CELF2: variants seen among roughly 807,000 people sequenced by gnomAD.
CELF2 encodes CUG triplet repeat RNA-binding protein 2.
In CELF2, 8 loss-of-function variants were observed where a neutral mutation model predicts 62.6. The ratio of observed to expected loss-of-function variants is 0.13; its 90% CI spans 0.07 to 0.23. CELF2 has a LOEUF of 0.23. CELF2 is among the 10% of genes least tolerant of loss of function. The probability of loss-of-function intolerance (pLI) is 1.00; values close to 1 mark genes in which losing one functional copy is unlikely to be tolerated. For synonymous variants in CELF2, 258 were observed against 250.0 expected (o/e 1.03, Z -0.30); for missense variants, 333 against 671.0 (o/e 0.50, Z 5.56).
chr10:10,890,826 C>T (rs2062085003), intron 1 of CELF2, among the ~76,000 whole-genome samples: 2 of 152,184 alleles, frequency 1.3e-5, no homozygotes, highest in Non-Finnish European at 2.9e-5. Flanking sequence ...ACCAGCCTGA[C>T]CAACATGGTA....
chr10:10,837,991 A>G (rs1160179542), intron 1 of CELF2, among the ~76,000 whole-genome samples: 2 of 152,218 alleles, frequency 1.3e-5, no homozygotes, highest in Non-Finnish European at 2.9e-5. Context: ...CAAAGCCTGT[A>G]CAGTATTCTG....
the CELF2 span, among the ~76,000 whole-genome samples, chr10:10,759,101 T>C: frequency 6.6e-6 from 1 of 152,162 alleles, no homozygotes; most frequent in African/African-American, 2.4e-5. Flanking sequence ...GTAACACGGT[T>C]TGCCATCCAT....
Position 11,165,747 on chromosome 10 carries a change from C to G in CELF2, c.271+65C>G, listed in dbSNP as rs1014451036. 3 of 1,441,654 alleles carry G rather than the reference C, an allele frequency of 2.1e-6. No individual in the cohort carries two copies. The highest frequency in any genetic ancestry group is 2.1e-5 in the Admixed American group (1 of 47,154). 89.3% of individuals were successfully genotyped at this position (1,441,654 alleles called of 1,614,324 possible). A position where few individuals can be genotyped will look rare whatever the true frequency, so the allele number is the denominator to read the frequency against. On this transcript the variant is annotated intron_variant, in intron 2 of 12. Transcript: ENST00000633077. This position sits in a 1 kb window ranked among gnomAD's most constrained non-coding sequence, Gnocchi z 7.4. ...GGCGTCGCGGGGCACTGGGGCTGTC[C>G]GAGCCCCCAGCCTGCAGGAGGAAGG...
At chr10:11,252,987 A>T (rs193280428) in intron 4 of CELF2, among the ~76,000 whole-genome samples, 1 of 152,082 alleles carries the variant, frequency 6.6e-6, no homozygotes, top group Admixed American at 6.6e-5. Flanking sequence ...TTCATCCTCT[A>T]TGCCATCCAG....
At chr10:10,536,510 A>G in the CELF2 span, among the ~76,000 whole-genome samples, 1 of 152,212 alleles carries the variant, frequency 6.6e-6, no homozygotes, top group Admixed American at 6.5e-5. Context: ...GAATTGAACG[A>G]ATCTCAAGAC....
chr10:10,701,312 A>T, the CELF2 span, among the ~76,000 whole-genome samples: 1 of 152,230 alleles, frequency 6.6e-6, no homozygotes, highest in Non-Finnish European at 1.5e-5. Flanking sequence ...AGGAACTAGG[A>T]CAAGTATGAG....
At position 10,956,873 on chromosome 10, in the gene CELF2, G is replaced by A. The variant is rs546846843; in HGVS notation, c.89+36874G>A. Among the ~76,000 whole-genome samples the A allele has an allele frequency of 1.1e-3, 174 of 152,000 alleles. 1 individual carries two copies. Among genetic ancestry groups the A allele is most frequent in the African/African-American group, 4.0e-3 (167 of 41,452 alleles). On this transcript the variant is annotated intron_variant, in intron 2 of 13. Transcript: ENST00000636488. ...CACTTGAGCCCAGGGAGTCAAGTCT[G>A]CAGTGAGCTATGATTGCACCACAGC...
intron 5 of CELF2, among the ~76,000 whole-genome samples, chr10:11,259,209 T>C (rs945682538): frequency 6.6e-6 from 1 of 152,240 alleles, no homozygotes; most frequent in African/African-American, 2.4e-5. Context: ...CTCACTAGTT[T>C]GACCTGACTT....
chr10:10,547,861 A>C, the CELF2 span, among the ~76,000 whole-genome samples: 2 of 152,154 alleles, frequency 1.3e-5, no homozygotes, highest in Non-Finnish European at 2.9e-5. Flanking sequence ...TGTATCAAAC[A>C]TCCATCATCC....
chr10:10,785,371 G>T, the CELF2 span, among the ~76,000 whole-genome samples: 1 of 152,096 alleles, frequency 6.6e-6, no homozygotes, highest in East Asian at 1.9e-4. Context: ...CACACTACTG[G>T]CTATATATCC....
At chr10:10,876,334 A>G (rs1275311028) in intron 1 of CELF2, among the ~76,000 whole-genome samples, 4 of 152,202 alleles carry the variant, frequency 2.6e-5, no homozygotes, top group Admixed American at 1.3e-4. Flanking sequence ...GTGAGGTAGC[A>G]TTCAACCCTC....
chr10:11,144,980 T>G (rs1362829668), intron 1 of CELF2, among the ~76,000 whole-genome samples: 3 of 151,662 alleles, frequency 2.0e-5, no homozygotes. Context: ...TGCGAAGCTG[T>G]AAGACTTTCT....
intron 8 of CELF2, among the ~76,000 whole-genome samples, chr10:11,282,050 A>G (rs1361804427): frequency 6.6e-6 from 1 of 152,146 alleles, no homozygotes; most frequent in Non-Finnish European, 1.5e-5. Flanking sequence ...CCCAGTGGAT[A>G]TGGGGACCTG....
rs116537747 is a variant in CELF2, at chr10:11,121,800, A to T, written c.75-43686A>T. Among the ~76,000 whole-genome samples the T allele has an allele frequency of 5.0e-3, 757 of 152,188 alleles. 6 individuals are homozygous for T. The highest frequency in any genetic ancestry group is 0.017 in the African/African-American group (707 of 41,506). On this transcript the variant is annotated intron_variant, in intron 1 of 12. Transcript: ENST00000633077. Reference sequence around the variant, plus strand: ...ATGCCCCATAGTGTTTCTTGCAGAAACTGTCTTTCCGGAGGTCTTAATTCT... The same window carrying T: ...ATGCCCCATAGTGTTTCTTGCAGAATCTGTCTTTCCGGAGGTCTTAATTCT...
intron 1 of CELF2, among the ~76,000 whole-genome samples, chr10:11,129,587 C>T (rs185832090): frequency 6.6e-6 from 1 of 152,130 alleles, no homozygotes; most frequent in African/African-American, 2.4e-5. Context: ...GATTCAACTT[C>T]TTCCTGGTTT....
intron 3 of CELF2, among the ~76,000 whole-genome samples, chr10:11,240,068 T>C (rs1048319880): frequency 2.6e-5 from 4 of 152,092 alleles, no homozygotes; most frequent in Non-Finnish European, 5.9e-5. Context: ...AAGTTTTTTG[T>C]GTGCCTACTA....
In CELF2 at chr10:10,880,120, A is replaced by G. The variant is rs148902343; in HGVS notation, c.54-39844A>G. ...AGCATAAATCGTAAGTCTAGGAATA[A>G]CTAAATACAAGAACATCGCCATGAT... On this transcript the variant is annotated intron_variant, in intron 1 of 13. Coordinates refer to the CELF2 transcript ENST00000636488. Among the ~76,000 whole-genome samples, 271 of 152,320 alleles carry G rather than the reference A, an allele frequency of 1.8e-3. 1 individual carries two copies. Among genetic ancestry groups the G allele is most frequent in the South Asian group, 0.013 (62 of 4,826 alleles).
intron 2 of CELF2, among the ~76,000 whole-genome samples, chr10:11,212,767 G>A (rs553273843): frequency 1.7e-4 from 21 of 125,316 alleles, no homozygotes; most frequent in African/African-American, 5.7e-4. Flanking sequence ...TTGCTTCAAG[G>A]ACCAAAGCTT....
At chr10:10,981,628 T>TTGTTTGCCA in intron 2 of CELF2, among the ~76,000 whole-genome samples, 1 of 152,370 alleles carries the variant, frequency 6.6e-6, no homozygotes, top group Admixed American at 6.5e-5. Flanking sequence ...TTTGCCATAG[T>TTGTTTGCCA]TACACCCTTT....
Sources: gnomAD v4.1 joint callset for allele counts (sites outside exome capture counted in the v4.1 genomes callset) on GRCh38, gnomAD v4.1.1 for gene constraint, Gnocchi (gnomAD v3.1) non-coding constraint, MANE v1.5 for transcripts, NCBI Gene and HGNC (gene_info 2026-07-23, HGNC 2026-07-21) for gene names.